LIPE: variants seen among roughly 807,000 people sequenced by gnomAD.
LIPE encodes the protein hormone-sensitive lipase.
Under a neutral mutation model 88.5 loss-of-function variants are expected in LIPE, and 66 were observed. The observed-to-expected ratio is 0.75, with a 90% CI of 0.61 to 0.91. The LOEUF (loss-of-function observed/expected upper bound fraction) is 0.91. Ranked by LOEUF, LIPE falls within the 40% of genes least tolerant of loss-of-function variation. The pLI is 0.00. For missense variants in LIPE, 1,346 were observed against 1,434.7 expected (o/e 0.94, Z 1.00); for synonymous variants, 570 against 617.5 (o/e 0.92, Z 1.14).
chr19:42,405,841 T>C (rs1388120955), intron 7 of LIPE: 3 of 539,362 alleles, frequency 5.6e-6, no homozygotes, highest in Non-Finnish European at 9.9e-6. Context: ...ACGCCTGTAG[T>C]TCCAGCTACT....
At chr19:42,409,006 G>C (rs2040285240) in intron 2 of LIPE, among the ~76,000 whole-genome samples, 2 of 152,056 alleles carry the variant, frequency 1.3e-5, no homozygotes, top group South Asian at 4.1e-4. Context: ...GTGCGGGGTG[G>C]TGCCACTGGT....
At chr19:42,424,355 A>G (rs2040667075) in intron 1 of LIPE, 2 of 456,924 alleles carry the variant, frequency 4.4e-6, no homozygotes, top group Non-Finnish European at 8.8e-6. Flanking sequence ...CACACAGCCA[A>G]CTGCTTCTGG....
chr19:42,409,424 C>T (rs948578047), intron 2 of LIPE, among the ~76,000 whole-genome samples: 2 of 135,332 alleles, frequency 1.5e-5, no homozygotes, highest in East Asian at 2.2e-4. Context: ...AAAAAAAATA[C>T]AATGGGGACA....
chr19:42,422,595 C>A (rs1024059842), intron 1 of LIPE, among the ~76,000 whole-genome samples: 3 of 152,136 alleles, frequency 2.0e-5, no homozygotes, highest in Non-Finnish European at 4.4e-5. Flanking sequence ...TAGTTTCCTT[C>A]CTGCATGGGA....
rs375035211 is a variant in LIPE at position 42,407,733 on chromosome 19, G to A, written c.1715C>T (p.Pro572Leu). 8.9e-5 allele frequency: 140 copies of A among 1,568,720 alleles called. No individual in the cohort carries two copies. Among genetic ancestry groups the A allele is most frequent in the Non-Finnish European group, 1.1e-4 (132 of 1,158,606 alleles). ...VRVSRLLSLP[P>L]EAFEMPLTAD... ...AGTCAGTGGCATCTCAAAGGCTTCG[G>A]GTGGCAGGCTGAGCAGGCGGCTTAC... The change falls in exon 5 of 10, where the codon CCC (proline) becomes CTC (leucine). Residue 572 changes from proline (P) to leucine (L), a missense_variant. Pro to Leu is a moderately conservative substitution (Grantham distance 98). Coordinates refer to ENST00000244289, the MANE Select transcript of LIPE (RefSeq NM_005357.4). This position sits in a 1 kb window ranked among gnomAD's most constrained non-coding sequence, Gnocchi z 5.8.
At position 42,405,581 on chromosome 19, in the gene LIPE, A is replaced by G. The variant is rs2040143743; in HGVS notation, c.2366-20T>C. On this transcript the variant is annotated intron_variant, in intron 7 of 9. Coordinates refer to ENST00000244289, the MANE Select transcript of LIPE (RefSeq NM_005357.4). Reference sequence around the variant, plus strand: ...TTGCACCTGCAGAATATATGTGGGTAGCTGAGTTGTTTTCCCCTTTCTGGG... The same window carrying G: ...TTGCACCTGCAGAATATATGTGGGTGGCTGAGTTGTTTTCCCCTTTCTGGG... 1 of 1,596,934 alleles carries G rather than the reference A, an allele frequency of 6.3e-7. No homozygotes were observed.
Position 42,410,598 on chromosome 19 carries a change from T to C in LIPE, c.1128A>G (p.Leu376=), listed in dbSNP as rs2147625485. 6.2e-7 allele frequency: 1 copy of C among 1,613,330 alleles called. No individual in the cohort carries two copies. The highest frequency in any genetic ancestry group is 8.5e-7 in the Non-Finnish European group (1 of 1,179,912). Residue 376 remains leucine, a synonymous_variant, in exon 2 of 10, where the codon CTA becomes CTG. Coordinates refer to ENST00000244289, the MANE Select transcript of LIPE (RefSeq NM_005357.4). The surrounding 1 kb of genome is among the most constrained non-coding windows in gnomAD (Gnocchi z 6.1). ...CCAGGCAGCAGCGGGCTGTGTGCAC[T>C]AGGCTGCGGTACCCGTTGGCCGGTG... ...PETPANGYRS[L]VHTARCCLAH... is the part of the protein sequence containing the mutation.
At chr19:42,423,512 G>A (rs1182429598) in intron 1 of LIPE, 3 of 1,273,170 alleles carry the variant, frequency 2.4e-6, no homozygotes, top group Non-Finnish European at 3.1e-6. Flanking sequence ...GCCTCGGCGG[G>A]CTCCGTTCCC....
At chr19:42,420,196 A>G (rs1172004359) in intron 1 of LIPE, among the ~76,000 whole-genome samples, 3 of 152,092 alleles carry the variant, frequency 2.0e-5, no homozygotes, top group Non-Finnish European at 4.4e-5. Flanking sequence ...AGCAGGGGGC[A>G]GCTCCAGGGC....
Position 42,425,422 on chromosome 19 carries a change from C to T in LIPE, c.883+845G>A, listed in dbSNP as rs1227176501. 3.9e-5 allele frequency among the ~76,000 whole-genome samples: 6 copies of T among 152,098 alleles called. No homozygotes were observed. In the East Asian group the frequency reaches 5.8e-4, roughly 15 times the overall value. On this transcript the variant is annotated intron_variant, in intron 1 of 9. Coordinates refer to ENST00000244289, the MANE Select transcript of LIPE (RefSeq NM_005357.4). ...AGCCTGGTCCAGGGGAGAAAGACCC[C>T]GGCTTCAAATCCTGACTTTGCCACT...
intron 1 of LIPE, among the ~76,000 whole-genome samples, chr19:42,420,229 T>C (rs2040571018): frequency 6.6e-6 from 1 of 152,006 alleles, no homozygotes; most frequent in African/African-American, 2.4e-5. Context: ...CTCTGCTGTG[T>C]TTCTGTGTGC....
At position 42,401,894 on chromosome 19, in the gene LIPE, A is replaced by C; in HGVS notation, c.3149T>G (p.Val1050Gly). ...AELCVERIRLVLTPPAGAGPS... is the reference protein window; with the variant it reads ...AELCVERIRLGLTPPAGAGPS... ...CCCGGCTCCGGCGGGAGGAGTGAGG[A>C]CGAGGCGGATGCGCTCCACGCACAG... The change falls in exon 10 of 10, where the codon GTC becomes GGC. Residue 1050 changes from valine (V) to glycine (G), a missense_variant. Coordinates refer to ENST00000244289, the MANE Select transcript of LIPE (RefSeq NM_005357.4). The C allele has an allele frequency of 6.5e-7, 1 of 1,541,684 alleles. No individual in the cohort carries two copies. Among genetic ancestry groups the C allele is most frequent in the Middle Eastern group, 2.1e-4 (1 of 4,784 alleles).
At position 42,427,361 on chromosome 19, in the gene LIPE, CTCTT is replaced by C. The variant is rs2040726688; in HGVS notation, c.-216_-213del. On this transcript the variant is annotated 5_prime_UTR_variant, in exon 1 of 10. Transcript: ENST00000244289. ...CCCCACTAAGTAATGAACTCTGTGC[CTCTT>C]TCTTTGGTGGGAGGATTAGGAATAG... The C allele has an allele frequency of 1.2e-6, 1 of 805,200 alleles. No individual in the cohort carries two copies. The highest frequency in any genetic ancestry group is 1.8e-6 in the Non-Finnish European group (1 of 568,148). 49.9% of individuals were successfully genotyped at this position (805,200 alleles called of 1,614,324 possible).
At position 42,406,192 on chromosome 19, in the gene LIPE, A is replaced by G; in HGVS notation, c.2334T>C (p.Ser778=). ...LSLMDPLLPL[S]VLSKCVSAYA... ...AGGCGCTGACACACTTGGAGAGCAC[A>G]CTGAGGGGCAGCAAGGGGTCCATGA... is the stretch of plus-strand genomic sequence containing the variant. Residue 778 remains serine, a synonymous_variant, in exon 7 of 10, where the codon AGT becomes AGC. Transcript: ENST00000244289. The surrounding 1 kb of genome is among the most constrained non-coding windows in gnomAD (Gnocchi z 5.7). 1 of 1,613,092 alleles carries G rather than the reference A, an allele frequency of 6.2e-7. No individual in the cohort carries two copies. The highest frequency in any genetic ancestry group is 8.5e-7 in the Non-Finnish European group (1 of 1,179,282).
At chr19:42,426,245 A>T in intron 1 of LIPE, 22 bp downstream of exon 1, 1 of 1,579,126 alleles carries the variant, frequency 6.3e-7, no homozygotes, top group East Asian at 2.3e-5. Context: ...AGAGGCTTCA[A>T]TTCCTCCAGA....
Position 42,418,777 on chromosome 19 carries a change from T to C in LIPE, c.883+7490A>G, listed in dbSNP as rs967658101. 6.4e-4 allele frequency among the ~76,000 whole-genome samples: 98 copies of C among 152,234 alleles called. 2 individuals carry two copies. The highest frequency in any genetic ancestry group is 2.3e-3 in the African/African-American group (95 of 41,456). On this transcript the variant is annotated intron_variant, in intron 1 of 9. Transcript: ENST00000244289. Reference sequence around the variant, plus strand: ...TGGGAAACCAACAAATTTGTGTGACTCACTTTATCAAGTGGTCTGGAATTG... The same window carrying C: ...TGGGAAACCAACAAATTTGTGTGACCCACTTTATCAAGTGGTCTGGAATTG...
chr19:42,405,839 A>G (rs936525742), intron 7 of LIPE: 2 of 541,616 alleles, frequency 3.7e-6, no homozygotes, highest in Non-Finnish European at 6.6e-6. Flanking sequence ...GCACGCCTGT[A>G]GTTCCAGCTA....
In LIPE at chr19:42,427,387, A is replaced by G; in HGVS notation, c.-238T>C. 1.6e-6 allele frequency: 1 copy of G among 612,204 alleles called. No individual in the cohort carries two copies. Among genetic ancestry groups the G allele is most frequent in the East Asian group, 3.4e-5 (1 of 29,736 alleles). 37.9% of individuals were successfully genotyped at this position (612,204 alleles called of 1,614,324 possible). A position where few individuals can be genotyped will look rare whatever the true frequency, so the allele number is the denominator to read the frequency against. On this transcript the variant is annotated 5_prime_UTR_variant, in exon 1 of 10. Transcript: ENST00000244289. ...TCTTTCTTTGGTGGGAGGATTAGGA[A>G]TAGGAGGAGGCTATGTGCCTAGCAC...
chr19:42,427,016 G>A lies in LIPE; in HGVS notation c.134C>T (p.Ser45Phe). The change falls in exon 1 of 10, where the codon TCC becomes TTC. Residue 45 changes from serine (S) to phenylalanine (F), a missense_variant. By Grantham distance (155) the Ser-to-Phe change is radical. Coordinates refer to ENST00000244289, the MANE Select transcript of LIPE (RefSeq NM_005357.4). Reference sequence around the variant, plus strand: ...TGAAGCAGGCTTCTGTTGGGTATTGGATCCCTGCAGAGTCTTCGATTCTGG... The same window carrying A: ...TGAAGCAGGCTTCTGTTGGGTATTGAATCCCTGCAGAGTCTTCGATTCTGG... ...AQPESKTLQGSNTQQKPASNQ... is the reference protein window; with the variant it reads ...AQPESKTLQGFNTQQKPASNQ... The A allele has an allele frequency of 2.5e-6, 4 of 1,614,016 alleles. No homozygotes were observed. Among genetic ancestry groups the A allele is most frequent in the Non-Finnish European group, 3.4e-6 (4 of 1,180,008 alleles).
Sources: allele counts gnomAD v4.1 joint callset (sites outside exome capture counted in the v4.1 genomes callset), GRCh38; gene constraint gnomAD v4.1.1; non-coding constraint Gnocchi (gnomAD v3.1); transcripts MANE v1.5; gene names NCBI Gene and HGNC (gene_info 2026-07-23, HGNC 2026-07-21).